ADGRL3: variants seen among roughly 807,000 people sequenced by gnomAD.
ADGRL3 encodes the protein calcium-independent alpha-latrotoxin receptor 3.
Under a neutral mutation model 153.5 loss-of-function variants are expected in ADGRL3, and 62 were observed. That is an observed-to-expected ratio of 0.40 (90% confidence interval 0.33 to 0.50). The LOEUF is 0.50. ADGRL3 is among the 20% of genes least tolerant of loss of function. The pLI, the probability that ADGRL3 is intolerant of heterozygous loss-of-function variation, is 0.47. For synonymous variants in ADGRL3, 710 were observed against 672.5 expected, an observed-to-expected ratio of 1.06 and a Z score of -0.86; for missense variants, 1,641 against 1,859.4, an observed-to-expected ratio of 0.88 and a Z score of 2.16.
At chr4:61,927,950 G>A (rs2098801480) in intron 13 of ADGRL3, among the ~76,000 whole-genome samples, 1 of 151,684 alleles carries the variant, frequency 6.6e-6, no homozygotes, top group Non-Finnish European at 1.5e-5. Context: ...ATAAATGGGA[G>A]CAGAGACCTG....
intron 1 of ADGRL3, among the ~76,000 whole-genome samples, chr4:61,261,433 A>G (rs2092512673): frequency 6.6e-6 from 1 of 152,088 alleles, no homozygotes; most frequent in South Asian, 2.1e-4. Context: ...CTTGGCACAC[A>G]TGAAATTCAA....
chr4:61,283,249 TTTCTC>T (rs1430822575), intron 1 of ADGRL3, among the ~76,000 whole-genome samples: 1 of 152,050 alleles, frequency 6.6e-6, no homozygotes, highest in Admixed American at 6.6e-5. Context: ...GTGTTCATAT[TTTCTC>T]TTCAAGTAAC....
intron 1 of ADGRL3, among the ~76,000 whole-genome samples, chr4:61,213,797 C>T (rs1741308275): frequency 6.6e-6 from 1 of 152,076 alleles, no homozygotes; most frequent in African/African-American, 2.4e-5. Flanking sequence ...TCATTTGTTG[C>T]TAGAATAAGT....
rs760962306 is a variant in ADGRL3 at position 61,948,265 on chromosome 4, G to A, written c.2794G>A (p.Val932Met). 9 of 1,613,250 alleles carry A rather than the reference G, an allele frequency of 5.6e-6. No individual in the cohort carries two copies. The South Asian group carries it at 9.9e-5, about 18-fold the overall frequency. Residue 932 changes from valine to methionine, a missense_variant, in exon 17 of 27, where the codon GTG becomes ATG. Val to Met is a conservative substitution (Grantham distance 21). Coordinates refer to ENST00000683033, the MANE Select transcript of ADGRL3 (RefSeq NM_001387552.1). ...AAATTTTGCAGTACTGATGGCACAT[G>A]TGGAAGTTAAGGTAAGATATATACC... ...LTNFAVLMAHVEVKHSDAVHD... is the reference protein window; with the variant it reads ...LTNFAVLMAHMEVKHSDAVHD...
At chr4:61,330,680 G>T (rs1014788098) in intron 1 of ADGRL3, among the ~76,000 whole-genome samples, 1 of 152,128 alleles carries the variant, frequency 6.6e-6, no homozygotes, top group African/African-American at 2.4e-5. Flanking sequence ...GTGAGCAGCA[G>T]CCAGATTTAT....
chr4:61,225,718 T>A (rs931298181), intron 1 of ADGRL3, among the ~76,000 whole-genome samples: 1 of 152,168 alleles, frequency 6.6e-6, no homozygotes, highest in Non-Finnish European at 1.5e-5. Context: ...TTCAGTGATA[T>A]CCAGTTTCAT....
At chr4:61,759,184 T>C (rs1339514777) in intron 8 of ADGRL3, among the ~76,000 whole-genome samples, 5 of 152,144 alleles carry the variant, frequency 3.3e-5, no homozygotes, top group African/African-American at 1.2e-4. Context: ...ATCTTTTTGG[T>C]GTTCTCTGTA....
At chr4:61,548,292 G>C (rs10023159) in intron 4 of ADGRL3, among the ~76,000 whole-genome samples, 33,193 of 151,776 alleles carry the variant, frequency 0.22, 3,781 homozygotes, top group Admixed American at 0.26. Flanking sequence ...AATTAGGTAC[G>C]ATTTGTCAAT....
At chr4:61,531,383 A>G (rs2098613165) in intron 4 of ADGRL3, among the ~76,000 whole-genome samples, 2 of 152,132 alleles carry the variant, frequency 1.3e-5, no homozygotes, top group Admixed American at 6.5e-5. Flanking sequence ...GAAGCTGCTC[A>G]CTAATCCCCT....
intron 8 of ADGRL3, among the ~76,000 whole-genome samples, chr4:61,768,404 C>T (rs979740802): frequency 1.1e-4 from 16 of 151,608 alleles, no homozygotes; most frequent in Non-Finnish European, 2.2e-4. Context: ...CGCTTGGGGT[C>T]GGTACTGAGG....
chr4:61,616,591 A>G (rs1187819390), intron 5 of ADGRL3, among the ~76,000 whole-genome samples: 1 of 152,192 alleles, frequency 6.6e-6, no homozygotes, highest in Non-Finnish European at 1.5e-5. Flanking sequence ...TTGGAAAAAT[A>G]GTCTCTATCC....
At chr4:61,227,146 T>C (rs1748353664) in intron 1 of ADGRL3, among the ~76,000 whole-genome samples, 1 of 152,158 alleles carries the variant, frequency 6.6e-6, no homozygotes, top group South Asian at 2.1e-4. Context: ...CTTTGTTTTG[T>C]CTTCATAAAA....
chr4:61,911,324 A>T (rs1333747383), intron 12 of ADGRL3, among the ~76,000 whole-genome samples: 1 of 152,152 alleles, frequency 6.6e-6, no homozygotes, highest in Non-Finnish European at 1.5e-5. Flanking sequence ...CAGCTTGCCT[A>T]CTCTGAATAT....
Position 61,674,146 on chromosome 4 carries a change from TTAGATAGATAGATAGA to T in ADGRL3, c.474-2646_474-2631del, listed in dbSNP as rs34037060. On this transcript the variant is annotated intron_variant, in intron 5 of 26. Coordinates refer to ENST00000683033, the MANE Select transcript of ADGRL3 (RefSeq NM_001387552.1). ...AATATGTAAATTTGTCGATGCATTT[TTAGATAGATAGATAGA>T]TAGATAGATAGATAGATAGATAGAT... Among the ~76,000 whole-genome samples, 777 of 147,434 alleles carry T rather than the reference TTAGATAGATAGATAGA, an allele frequency of 5.3e-3. 4 individuals carry two copies. Among genetic ancestry groups the T allele is most frequent in the Non-Finnish European group, 7.7e-3 (514 of 66,458 alleles).
intron 2 of ADGRL3, among the ~76,000 whole-genome samples, chr4:61,489,101 T>G (rs2152770582): frequency 6.6e-6 from 1 of 152,140 alleles, no homozygotes; most frequent in Middle Eastern, 3.4e-3. Flanking sequence ...GCCAGGAAGC[T>G]TTATAGCTTC....
chr4:61,659,759 T>C (rs973076204), intron 5 of ADGRL3, among the ~76,000 whole-genome samples: 1 of 152,110 alleles, frequency 6.6e-6, no homozygotes, highest in African/African-American at 2.4e-5. Context: ...ATAGCTTACA[T>C]ATTCACTTTC....
chr4:61,663,460 G>T (rs141361085), intron 5 of ADGRL3, among the ~76,000 whole-genome samples: 1 of 152,206 alleles, frequency 6.6e-6, no homozygotes, highest in Admixed American at 6.5e-5. Context: ...CTACCCCACC[G>T]CAGCCGGTGT....
chr4:61,268,405 T>G (rs1225142128), intron 1 of ADGRL3, among the ~76,000 whole-genome samples: 1 of 151,668 alleles, frequency 6.6e-6, no homozygotes, highest in Non-Finnish European at 1.5e-5. Context: ...AGTTATCTTT[T>G]ATTTGCTGAT....
chr4:62,011,322 A>G (rs373652069), intron 21 of ADGRL3, among the ~76,000 whole-genome samples: 1 of 152,158 alleles, frequency 6.6e-6, no homozygotes, highest in Admixed American at 6.6e-5. Flanking sequence ...AGTAAGTTTG[A>G]TGAAGAAGTG....
Sources: allele counts gnomAD v4.1 joint callset (sites outside exome capture counted in the v4.1 genomes callset), GRCh38; gene constraint gnomAD v4.1.1; transcripts MANE v1.5; gene names NCBI Gene and HGNC (gene_info 2026-07-23, HGNC 2026-07-21).